The following PTPRJ variants were observed in gnomAD, a reference collection of about 807,000 sequenced individuals.
PTPRJ encodes the protein protein tyrosine phosphatase receptor type J, also known as receptor-type tyrosine-protein phosphatase eta.
PTPRJ carries 129 observed loss-of-function variants against 141.3 expected under a neutral mutation model. The ratio of observed to expected loss-of-function variants is 0.91; its 90% CI spans 0.79 to 1.06. PTPRJ has a LOEUF of 1.06. Among genes scored for constraint, PTPRJ ranks in the 50% least tolerant of loss-of-function variants. The pLI, the probability that PTPRJ is intolerant of heterozygous loss-of-function variation, is 0.00. For synonymous variants in PTPRJ, 610 were observed against 640.5 expected (o/e 0.95, Z 0.72); for missense variants, 1,601 against 1,679.7 (o/e 0.95, Z 0.82).
chr11:48,073,725 CT>C (rs1393259226), intron 1 of PTPRJ, among the ~76,000 whole-genome samples: 1 of 150,794 alleles, frequency 6.6e-6, no homozygotes, highest in African/African-American at 2.4e-5. Flanking sequence ...AGTTTCTCTT[CT>C]CCTTTTTTTC....
At chr11:48,013,843 T>G (rs564112473) in intron 1 of PTPRJ, among the ~76,000 whole-genome samples, 1 of 152,114 alleles carries the variant, frequency 6.6e-6, no homozygotes, top group East Asian at 1.9e-4. Flanking sequence ...AGTGCTGCCC[T>G]CCCAGTGGTG....
At chr11:48,038,984 T>C (rs973429608) in intron 1 of PTPRJ, among the ~76,000 whole-genome samples, 2 of 150,738 alleles carry the variant, frequency 1.3e-5, no homozygotes, top group Non-Finnish European at 3.0e-5. Flanking sequence ...CCCCCGTCTC[T>C]ACTAAAAATA....
chr11:48,045,174 C>T (rs1267753046), intron 1 of PTPRJ, among the ~76,000 whole-genome samples: 1 of 152,162 alleles, frequency 6.6e-6, no homozygotes, highest in Admixed American at 6.5e-5. Context: ...CCTTCTGATG[C>T]AGATAGACCT....
Position 48,112,823 on chromosome 11 carries a change from A to G in PTPRJ, c.192A>G (p.Thr64=). The G allele has an allele frequency of 6.2e-7, 1 of 1,614,220 alleles. No individual in the cohort carries two copies. Among genetic ancestry groups the G allele is most frequent in the Non-Finnish European group, 8.5e-7 (1 of 1,180,026 alleles). ...ATGGCATAACGCAGATCAGCAGTACAGCAGAATCCTTTCATAAACAGAATG... is the reference window on the plus strand; with the variant it reads ...ATGGCATAACGCAGATCAGCAGTACGGCAGAATCCTTTCATAAACAGAATG... ...GENGITQISS[T]AESFHKQNGT... Residue 64 remains threonine, a synonymous_variant, in exon 3 of 25, where the codon ACA becomes ACG. Transcript: ENST00000418331.
chr11:48,081,155 C>T (rs1306876632), intron 1 of PTPRJ, among the ~76,000 whole-genome samples: 1 of 152,220 alleles, frequency 6.6e-6, no homozygotes, highest in African/African-American at 2.4e-5. Flanking sequence ...GCAACCCTGG[C>T]ACAGGTGCCC....
At position 48,109,241 on chromosome 11, in the gene PTPRJ, C is replaced by CT. The variant is rs1194172918; in HGVS notation, c.97-817_97-816insT. ...AAAGTAGGAGGACGGTTTTTTCCACCAGGGTCCTTTTTGATTATTTTATTC... is the reference window on the plus strand; with the variant it reads ...AAAGTAGGAGGACGGTTTTTTCCACCTAGGGTCCTTTTTGATTATTTTATTC... On this transcript the variant is annotated intron_variant, in intron 1 of 24. Coordinates refer to ENST00000418331, the MANE Select transcript of PTPRJ (RefSeq NM_002843.4). Among the ~76,000 whole-genome samples, 6 of 151,590 alleles carry CT rather than the reference C, an allele frequency of 4.0e-5. No homozygotes were observed. In the East Asian group the frequency reaches 1.2e-3, roughly 30 times the overall value.
intron 1 of PTPRJ, among the ~76,000 whole-genome samples, chr11:48,092,649 C>G (rs1242782221): frequency 1.3e-5 from 2 of 152,142 alleles, no homozygotes; most frequent in African/African-American, 4.8e-5. Flanking sequence ...AGGCTGGTCT[C>G]AAACTCCTGA....
chr11:48,142,933 G>A lies in PTPRJ; in HGVS notation c.2458G>A (p.Asp820Asn), dbSNP rs757744960. 4 of 1,613,744 alleles carry A rather than the reference G, an allele frequency of 2.5e-6. No homozygotes were observed. Among genetic ancestry groups the A allele is most frequent in the Non-Finnish European group, 3.4e-6 (4 of 1,179,880 alleles). ...TTTTGTTTTAGATCCCCCTCCTCCA[G>A]ATGGATCCCCTAATATTACATCTGT... ...TTGITDPPPP[D>N]GSPNITSVSH... The change falls in exon 12 of 25, where the codon GAT (aspartate) becomes AAT (asparagine). Residue 820 changes from aspartate (D) to asparagine (N), a missense_variant. Transcript: ENST00000418331.
intron 1 of PTPRJ, among the ~76,000 whole-genome samples, chr11:48,013,592 A>C (rs1854871154): frequency 6.6e-6 from 1 of 152,198 alleles, no homozygotes; most frequent in Non-Finnish European, 1.5e-5. Context: ...GGGTGGCCTG[A>C]CTGCCAGCCT....
At chr11:48,121,310 T>C (rs376145906) in intron 4 of PTPRJ, 44 bp downstream of exon 4, 16 of 1,595,752 alleles carry the variant, frequency 1.0e-5, no homozygotes, top group East Asian at 6.7e-5. Flanking sequence ...CCATTTCTTA[T>C]TATGGTGTAT....
Position 48,109,979 on chromosome 11 carries a change from C to G in PTPRJ, c.97-79C>G. Reference sequence around the variant, plus strand: ...TACCACCCCACCCCCATTATTAAATCCTCAACTGCTTTATTTCTGATTTGC... The same window carrying G: ...TACCACCCCACCCCCATTATTAAATGCTCAACTGCTTTATTTCTGATTTGC... On this transcript the variant is annotated intron_variant, in intron 1 of 24. Transcript: ENST00000418331. 2.6e-6 allele frequency: 4 copies of G among 1,532,472 alleles called. No individual in the cohort carries two copies. The South Asian group carries it at 4.5e-5, about 17-fold the overall frequency. The allele number at this position is 1,532,472 out of a possible 1,614,324, so 94.9% of individuals were successfully genotyped here.
chr11:47,995,522 T>C (rs1168739962), intron 1 of PTPRJ, among the ~76,000 whole-genome samples: 1 of 152,222 alleles, frequency 6.6e-6, no homozygotes, highest in East Asian at 1.9e-4. Flanking sequence ...AGAGCCCTGA[T>C]GCAGCAGGAG....
chr11:48,060,708 A>T (rs1374319216), intron 1 of PTPRJ, among the ~76,000 whole-genome samples: 2 of 152,248 alleles, frequency 1.3e-5, no homozygotes, highest in Admixed American at 1.3e-4. Context: ...TTGAGCAGCC[A>T]GGATCCCCCA....
chr11:48,120,696 C>T (rs900185559), intron 3 of PTPRJ, among the ~76,000 whole-genome samples: 1 of 152,084 alleles, frequency 6.6e-6, no homozygotes, highest in African/African-American at 2.4e-5. Flanking sequence ...GCCTTGACCT[C>T]CTAAAGTTTG....
Position 48,153,947 on chromosome 11 carries a change from G to A in PTPRJ, c.3229+61G>A. ...CCATCAGTGGCCATCACATCTCTAA[G>A]TGTAGAGGGGAGGGAATCAGTGATC... On this transcript the variant is annotated intron_variant, in intron 19 of 24. Transcript: ENST00000418331. 3.5e-6 allele frequency: 4 copies of A among 1,157,098 alleles called. No homozygotes were observed. The Admixed American group carries it at 5.3e-5, about 15-fold the overall frequency. 71.7% of individuals were successfully genotyped at this position (1,157,098 alleles called of 1,614,324 possible).
chr11:48,048,611 C>T (rs767429028), intron 1 of PTPRJ, among the ~76,000 whole-genome samples: 9 of 151,942 alleles, frequency 5.9e-5, no homozygotes, highest in Non-Finnish European at 1.0e-4. Flanking sequence ...CTGGCCAACA[C>T]GGCGAAACCC....
At chr11:48,059,698 A>G (rs1854866684) in intron 1 of PTPRJ, among the ~76,000 whole-genome samples, 1 of 152,184 alleles carries the variant, frequency 6.6e-6, no homozygotes, top group Non-Finnish European at 1.5e-5. Context: ...ACACTTCCAT[A>G]GGTCTTACTC....
chr11:48,006,782 C>T (rs1199299387), intron 1 of PTPRJ, among the ~76,000 whole-genome samples: 2 of 152,080 alleles, frequency 1.3e-5, no homozygotes, highest in Non-Finnish European at 2.9e-5. Context: ...TGCAGCTTGC[C>T]TGGGTTTTGT....
chr11:48,094,089 A>G (rs1855942359), intron 1 of PTPRJ, among the ~76,000 whole-genome samples: 1 of 152,224 alleles, frequency 6.6e-6, no homozygotes, highest in South Asian at 2.1e-4. Flanking sequence ...TGTTAATAGC[A>G]TTTACTCTTT....
Sources: allele counts gnomAD v4.1 joint callset (sites outside exome capture counted in the v4.1 genomes callset), GRCh38; gene constraint gnomAD v4.1.1; transcripts MANE v1.5; gene names NCBI Gene and HGNC (gene_info 2026-07-23, HGNC 2026-07-21).